Variants in CHST11 observed in about 807,000 individuals in gnomAD.
CHST11 encodes the protein C4S-1.
A neutral mutation model predicts 30.4 loss-of-function variants in CHST11; 9 were observed. The ratio of observed to expected loss-of-function variants is 0.30; its 90% CI spans 0.18 to 0.52. CHST11 has a LOEUF of 0.52. CHST11 is among the 20% of genes least tolerant of loss of function. The pLI is 0.97. For synonymous variants in CHST11, 152 were observed against 187.8 expected (o/e 0.81, Z 1.56); for missense variants, 348 against 460.6 (o/e 0.76, Z 2.24).
intron 2 of CHST11, among the ~76,000 whole-genome samples, chr12:104,642,660 C>T (rs866172030): frequency 2.1e-4 from 32 of 152,010 alleles, no homozygotes; most frequent in African/African-American, 7.2e-4. Flanking sequence ...TCAGCGTTCA[C>T]AAGTGTTAGT....
At chr12:104,723,150 AG>A in intron 2 of CHST11, among the ~76,000 whole-genome samples, 1 of 152,144 alleles carries the variant, frequency 6.6e-6, no homozygotes. Context: ...TCATGATAGC[AG>A]TCAGCAGTAT....
intron 1 of CHST11, among the ~76,000 whole-genome samples, chr12:104,484,681 A>C (rs2037659633): frequency 6.6e-6 from 1 of 152,212 alleles, no homozygotes; most frequent in South Asian, 2.1e-4. Flanking sequence ...ACCCTAGTGG[A>C]GGATCAGATA....
intron 2 of CHST11, among the ~76,000 whole-genome samples, chr12:104,635,508 C>T (rs1414735401): frequency 1.3e-5 from 2 of 152,184 alleles, no homozygotes; most frequent in East Asian, 1.9e-4. Context: ...CAAACAGCCG[C>T]AAGAGCACCT....
In CHST11 at chr12:104,694,358, C is replaced by A. The variant is rs2039925102; in HGVS notation, c.205-62591C>A. On this transcript the variant is annotated intron_variant, in intron 2 of 2. Coordinates refer to ENST00000303694, the MANE Select transcript of CHST11 (RefSeq NM_018413.6). ...CACTGCTTCTCAGGGCTGCTGTTAGCTGCCTTCTCATTCCTCTTACTCAGC... is the reference window on the plus strand; with the variant it reads ...CACTGCTTCTCAGGGCTGCTGTTAGATGCCTTCTCATTCCTCTTACTCAGC... Among the ~76,000 whole-genome samples the A allele has an allele frequency of 2.0e-5, 3 of 152,228 alleles. No individual in the cohort carries two copies. In the South Asian group the frequency reaches 6.2e-4, roughly 31 times the overall value.
intron 2 of CHST11, among the ~76,000 whole-genome samples, chr12:104,755,333 C>T (rs751221746): frequency 6.6e-6 from 1 of 152,126 alleles, no homozygotes; most frequent in Non-Finnish European, 1.5e-5. Context: ...TCTGGGGCTC[C>T]GAGTCCCTGT....
At chr12:104,542,358 G>A (rs1032933160) in intron 1 of CHST11, among the ~76,000 whole-genome samples, 9 of 152,220 alleles carry the variant, frequency 5.9e-5, no homozygotes, top group Non-Finnish European at 8.8e-5. Flanking sequence ...CAACTCACGT[G>A]TCCATCGAGG....
chr12:104,694,253 C>CTCCAGCCGCAG (rs2039924247), intron 2 of CHST11, among the ~76,000 whole-genome samples: 1 of 152,122 alleles, frequency 6.6e-6, no homozygotes, highest in Non-Finnish European at 1.5e-5. Flanking sequence ...TACCTCCACT[C>CTCCAGCCGCAG]TCCAGCCGCA....
chr12:104,740,704 T>C (rs565566231), intron 2 of CHST11, among the ~76,000 whole-genome samples: 2 of 152,320 alleles, frequency 1.3e-5, no homozygotes, highest in African/African-American at 4.8e-5. Flanking sequence ...TATTAATACC[T>C]CTGATGTCAT....
chr12:104,669,060 A>G (rs1324961527), intron 2 of CHST11, among the ~76,000 whole-genome samples: 1 of 152,168 alleles, frequency 6.6e-6, no homozygotes, highest in African/African-American at 2.4e-5. Flanking sequence ...CACGGCCCCC[A>G]GGCACTGAGG....
intron 1 of CHST11, among the ~76,000 whole-genome samples, chr12:104,505,913 G>T (rs1331688440): frequency 6.6e-6 from 1 of 152,200 alleles, no homozygotes; most frequent in Non-Finnish European, 1.5e-5. Context: ...GTGATGGTGA[G>T]TTATAAAGAT....
chr12:104,717,395 T>C (rs1287316761), intron 2 of CHST11, among the ~76,000 whole-genome samples: 1 of 152,178 alleles, frequency 6.6e-6, no homozygotes, highest in African/African-American at 2.4e-5. Flanking sequence ...TGGTATCTCT[T>C]TCTGAATTGC....
At chr12:104,464,885 G>T (rs2037443864) in intron 1 of CHST11, among the ~76,000 whole-genome samples, 1 of 152,216 alleles carries the variant, frequency 6.6e-6, no homozygotes, top group African/African-American at 2.4e-5. Context: ...GAAGACCCGA[G>T]TCCTAGTCTG....
At chr12:104,618,980 A>G (rs1164385542) in intron 2 of CHST11, among the ~76,000 whole-genome samples, 1 of 152,182 alleles carries the variant, frequency 6.6e-6, no homozygotes, top group Non-Finnish European at 1.5e-5. Context: ...CTCCCTCTCC[A>G]GTGGTTTGTG....
At chr12:104,696,183 AC>A (rs1270094642) in intron 2 of CHST11, among the ~76,000 whole-genome samples, 1 of 151,776 alleles carries the variant, frequency 6.6e-6, no homozygotes, top group Non-Finnish European at 1.5e-5. Context: ...CACCCACCCT[AC>A]CTTTTTTCTT....
chr12:104,742,612 AT>A (rs1342001337), intron 2 of CHST11, among the ~76,000 whole-genome samples: 1 of 152,012 alleles, frequency 6.6e-6, no homozygotes, highest in Non-Finnish European at 1.5e-5. Flanking sequence ...CCCCATTCCT[AT>A]TCCTGCCCCC....
At chr12:104,560,643 C>T (rs1276757088) in intron 1 of CHST11, among the ~76,000 whole-genome samples, 1 of 152,208 alleles carries the variant, frequency 6.6e-6, no homozygotes, top group Non-Finnish European at 1.5e-5. Flanking sequence ...TCCAGTTCCT[C>T]CACTTATGGA....
intron 2 of CHST11, among the ~76,000 whole-genome samples, chr12:104,720,981 C>T (rs1487685593): frequency 1.3e-5 from 2 of 152,142 alleles, no homozygotes; most frequent in African/African-American, 4.8e-5. Flanking sequence ...TGCCCCGCAG[C>T]GTTTGCTCCA....
chr12:104,515,002 G>A lies in CHST11; in HGVS notation c.118+57473G>A, dbSNP rs192912799. 9.2e-5 allele frequency among the ~76,000 whole-genome samples: 14 copies of A among 152,282 alleles called. No homozygotes were observed. The East Asian group carries it at 2.5e-3, about 27-fold the overall frequency. The stretch of plus-strand genomic sequence containing the variant: ...GATGGCCATTGTGAAAGGACTCTGG[G>A]TCGTTTTAATGTGGTGTCGTATTAT... On this transcript the variant is annotated intron_variant, in intron 1 of 2. Coordinates refer to ENST00000303694, the MANE Select transcript of CHST11 (RefSeq NM_018413.6).
chr12:104,628,687 C>T (rs886188408), intron 2 of CHST11, among the ~76,000 whole-genome samples: 6 of 152,142 alleles, frequency 3.9e-5, no homozygotes, highest in Non-Finnish European at 8.8e-5. Flanking sequence ...TGGTTTAGTT[C>T]CTCTGCTGTC....
Sources: gnomAD v4.1 joint callset for allele counts (sites outside exome capture counted in the v4.1 genomes callset) on GRCh38, gnomAD v4.1.1 for gene constraint, MANE v1.5 for transcripts, NCBI Gene and HGNC (gene_info 2026-07-23, HGNC 2026-07-21) for gene names.